DHRSX: variants seen among roughly 807,000 people sequenced by gnomAD.
The protein encoded by DHRSX is polyprenol dehydrogenase.
In DHRSX, 31 loss-of-function variants were observed where a neutral mutation model predicts 34.0. The observed-to-expected ratio is 0.91, with a 90% confidence interval of 0.69 to 1.23. The LOEUF (loss-of-function observed/expected upper bound fraction) is 1.23. Ranked by LOEUF, DHRSX falls within the 50% of genes most tolerant of loss-of-function variation. The probability of loss-of-function intolerance (pLI) is 0.00; values close to 1 mark genes in which losing one functional copy is unlikely to be tolerated. For synonymous variants in DHRSX, 201 were observed against 183.8 expected (o/e 1.09, Z -0.76); for missense variants, 414 against 428.1 (o/e 0.97, Z 0.29).
At chrX:2,394,283 C>G (rs1379398113) in intron 3 of DHRSX, among the ~76,000 whole-genome samples, 2 of 152,196 alleles carry the variant, frequency 1.3e-5, no homozygotes, top group East Asian at 3.9e-4. Context: ...AGGGGTATAC[C>G]TGCCCCACAG....
At chrX:2,250,519 G>C (rs1041937120) in intron 5 of DHRSX, among the ~76,000 whole-genome samples, 1 of 152,126 alleles carries the variant, frequency 6.6e-6, no homozygotes, top group Non-Finnish European at 1.5e-5. Flanking sequence ...AATTCCCGGA[G>C]CTGAAGGTTC....
chrX:2,299,883 A>C (rs2041991047), intron 3 of DHRSX, among the ~76,000 whole-genome samples: 1 of 152,012 alleles, frequency 6.6e-6, no homozygotes, highest in African/African-American at 2.4e-5. Flanking sequence ...CTTCATCCAC[A>C]GAAGAATTTC....
chrX:2,370,113 C>T (rs1236559360), intron 3 of DHRSX, among the ~76,000 whole-genome samples: 1 of 152,148 alleles, frequency 6.6e-6, no homozygotes, highest in Admixed American at 6.5e-5. Flanking sequence ...ATGACACCTG[C>T]AGATGGCACA....
rs2015487556 is a variant in DHRSX at position 2,219,938 on chromosome X, T to A, written c.*1103A>T. The A allele has an allele frequency of 6.6e-6, 1 of 152,214 alleles. No individual in the cohort carries two copies. The highest frequency in any genetic ancestry group is 2.4e-5 in the African/African-American group (1 of 41,460). The allele number at this position is 152,214 out of a possible 1,614,324, so 9.4% of individuals were successfully genotyped here. A position where few individuals can be genotyped will look rare whatever the true frequency, so the allele number is the denominator to read the frequency against. On this transcript the variant is annotated 3_prime_UTR_variant, in exon 7 of 7. Transcript: ENST00000334651. Reference sequence around the variant, plus strand: ...AGAGTGAGCCTCTATACCAAGGATGTACCCTTTGGCTGTGTGAGGTTTTCA... The same window carrying A: ...AGAGTGAGCCTCTATACCAAGGATGAACCCTTTGGCTGTGTGAGGTTTTCA...
intron 1 of DHRSX, among the ~76,000 whole-genome samples, chrX:2,457,598 G>A (rs1189106115): frequency 6.6e-6 from 1 of 151,560 alleles, no homozygotes; most frequent in Non-Finnish European, 1.5e-5. Flanking sequence ...CAGCCGCCAT[G>A]TACACACTGA....
intron 5 of DHRSX, among the ~76,000 whole-genome samples, chrX:2,255,806 C>T (rs1487360357): frequency 6.6e-6 from 1 of 151,348 alleles, no homozygotes; most frequent in East Asian, 2.0e-4. Flanking sequence ...CCCAGCTACC[C>T]GGGAGGCTGA....
chrX:2,442,049 G>A (rs1256248432), intron 1 of DHRSX, among the ~76,000 whole-genome samples: 1 of 152,042 alleles, frequency 6.6e-6, no homozygotes, highest in African/African-American at 2.4e-5. Flanking sequence ...CAATCAACAT[G>A]TATTTTGTAT....
intron 3 of DHRSX, among the ~76,000 whole-genome samples, chrX:2,331,436 G>GTTTTTGTTTTTT (rs2042472014): frequency 1.1e-5 from 1 of 94,660 alleles, no homozygotes; most frequent in Non-Finnish European, 2.2e-5. Context: ...AGGTTTTTTG[G>GTTTTTGTTTTTT]TTTTTTTTTT....
intron 1 of DHRSX, among the ~76,000 whole-genome samples, chrX:2,438,831 T>C (rs924929190): frequency 4.6e-5 from 7 of 151,828 alleles, no homozygotes; most frequent in Non-Finnish European, 7.4e-5. Flanking sequence ...TAAAGTAAGA[T>C]TGACAGCAAA....
intron 3 of DHRSX, among the ~76,000 whole-genome samples, chrX:2,342,198 A>T (rs1014215794): frequency 6.6e-6 from 1 of 152,110 alleles, no homozygotes; most frequent in Admixed American, 6.6e-5. Context: ...ATAAACAGAG[A>T]TGCCTATCTG....
intron 3 of DHRSX, among the ~76,000 whole-genome samples, chrX:2,309,808 G>A (rs141099893): frequency 0.015 from 2,276 of 152,236 alleles, 50 homozygotes; most frequent in African/African-American, 0.052. Flanking sequence ...AGCTACGTGG[G>A]AGGCTGAGGT....
chrX:2,282,741 AAT>A, intron 4 of DHRSX, among the ~76,000 whole-genome samples: 1 of 118,814 alleles, frequency 8.4e-6, no homozygotes, highest in Non-Finnish European at 1.8e-5. Flanking sequence ...GGAGAGGGAG[AAT>A]GGGAGAGAGA....
intron 3 of DHRSX, among the ~76,000 whole-genome samples, chrX:2,336,184 A>G (rs1466915759): frequency 6.6e-6 from 1 of 151,486 alleles, no homozygotes; most frequent in Admixed American, 6.6e-5. Context: ...GTTTTTTTGT[A>G]CTTTTAGTAG....
intron 6 of DHRSX, among the ~76,000 whole-genome samples, chrX:2,232,332 AAAC>A (rs112253934): frequency 6.6e-6 from 1 of 151,332 alleles, no homozygotes; most frequent in Non-Finnish European, 1.5e-5. Context: ...CTTGTTTTGA[AAAC>A]AACAACAACT....
chrX:2,355,796 G>A (rs12838686), intron 3 of DHRSX, among the ~76,000 whole-genome samples: 42 of 152,070 alleles, frequency 2.8e-4, no homozygotes, highest in African/African-American at 9.9e-4. Flanking sequence ...GCTGGGTATG[G>A]TGGCTCACCC....
At chrX:2,485,084 A>AG (rs1186568095) in intron 1 of DHRSX, among the ~76,000 whole-genome samples, 1 of 152,200 alleles carries the variant, frequency 6.6e-6, no homozygotes, top group East Asian at 1.9e-4. Context: ...GCTCAGAGTT[A>AG]GGGCTGTGCA....
chrX:2,227,162 G>A (rs1238340539), intron 6 of DHRSX, among the ~76,000 whole-genome samples: 1 of 152,080 alleles, frequency 6.6e-6, no homozygotes, highest in Admixed American at 6.6e-5. Context: ...CGGGCAGGAA[G>A]GGAGGGGACA....
intron 1 of DHRSX, among the ~76,000 whole-genome samples, chrX:2,459,516 TAGAGAG>T (rs750009785): frequency 7.1e-6 from 1 of 139,920 alleles, no homozygotes; most frequent in African/African-American, 2.6e-5. Context: ...TATTGTACCA[TAGAGAG>T]AGAGAGAGAG....
intron 3 of DHRSX, among the ~76,000 whole-genome samples, chrX:2,298,616 A>ACACACACACACACACACACACG (rs1556457304): frequency 6.5e-5 from 9 of 138,296 alleles, no homozygotes; most frequent in Admixed American, 3.4e-4. Context: ...ACACACACAC[A>ACACACACACACACACACACACG]CACACACACA....
Sources: gnomAD v4.1 joint callset for allele counts (sites outside exome capture counted in the v4.1 genomes callset) on GRCh38, gnomAD v4.1.1 for gene constraint, MANE v1.5 for transcripts, NCBI Gene and HGNC (gene_info 2026-07-23, HGNC 2026-07-21) for gene names.